LINGO2: variants seen among roughly 807,000 people sequenced by gnomAD.
LINGO2 encodes leucine rich repeat and Ig domain containing 2.
LINGO2 carries 14 observed loss-of-function variants against 30.6 expected under a neutral mutation model. The ratio of observed to expected loss-of-function variants is 0.46; its 90% CI spans 0.30 to 0.72. The LOEUF is 0.72. Among genes scored for constraint, LINGO2 ranks in the 30% least tolerant of loss-of-function variants. The pLI is 0.07. For missense variants in LINGO2, 729 were observed against 751.7 expected, an observed-to-expected ratio of 0.97 and a Z score of 0.35; for synonymous variants, 317 against 288.5, an observed-to-expected ratio of 1.10 and a Z score of -1.00.
chr9:28,595,870 A>C (rs1737214050), intron 1 of LINGO2, among the ~76,000 whole-genome samples: 1 of 152,198 alleles, frequency 6.6e-6, no homozygotes, highest in African/African-American at 2.4e-5. Context: ...GATGATGACA[A>C]ATAGATATTT....
At chr9:28,904,511 C>G in the LINGO2 span, among the ~76,000 whole-genome samples, 1 of 151,722 alleles carries the variant, frequency 6.6e-6, no homozygotes, top group Non-Finnish European at 1.5e-5. Flanking sequence ...CATAGGGTTG[C>G]AGAATACAAA....
chr9:29,139,250 C>T, the LINGO2 span, among the ~76,000 whole-genome samples: 1 of 152,126 alleles, frequency 6.6e-6, no homozygotes, highest in African/African-American at 2.4e-5. Flanking sequence ...GTCTGAAGCC[C>T]TAGCCTAATA....
At chr9:27,996,251 T>C (rs1260274867) in intron 5 of LINGO2, among the ~76,000 whole-genome samples, 3 of 152,124 alleles carry the variant, frequency 2.0e-5, no homozygotes, top group African/African-American at 4.8e-5. Context: ...AAAACTAAAA[T>C]ACAACTATCT....
At chr9:28,294,919 G>T (rs772460369) in intron 4 of LINGO2, among the ~76,000 whole-genome samples, 1 of 152,154 alleles carries the variant, frequency 6.6e-6, no homozygotes, top group Non-Finnish European at 1.5e-5. Context: ...TGCCATTAGA[G>T]TTCAGAATAG....
At chr9:28,366,447 T>A (rs1564153221) in intron 3 of LINGO2, among the ~76,000 whole-genome samples, 1 of 152,186 alleles carries the variant, frequency 6.6e-6, no homozygotes. Flanking sequence ...TCAGCTCATG[T>A]TTTTATCACT....
At chr9:28,680,596 G>A in the LINGO2 span, among the ~76,000 whole-genome samples, 1 of 151,932 alleles carries the variant, frequency 6.6e-6, no homozygotes, top group Non-Finnish European at 1.5e-5. Flanking sequence ...CAGGGATTAC[G>A]TTTCTCCACA....
At chr9:29,188,749 G>A in the LINGO2 span, among the ~76,000 whole-genome samples, 485 of 140,700 alleles carry the variant, frequency 3.4e-3, 7 homozygotes, top group Non-Finnish European at 6.3e-3. Flanking sequence ...GCCGGGCAGA[G>A]GGGCTCCTCA....
At chr9:29,004,911 T>C in the LINGO2 span, among the ~76,000 whole-genome samples, 2 of 152,150 alleles carry the variant, frequency 1.3e-5, no homozygotes, top group East Asian at 1.9e-4. Flanking sequence ...AATTTCTTTA[T>C]CTATAAAATG....
chr9:29,003,448 C>A, the LINGO2 span, among the ~76,000 whole-genome samples: 31,959 of 151,544 alleles, frequency 0.21, 3,470 homozygotes, highest in East Asian at 0.35. Context: ...AAGAAAGAGA[C>A]AAGGAAACAG....
At chr9:28,005,588 T>A (rs2119190034) in intron 5 of LINGO2, among the ~76,000 whole-genome samples, 2 of 152,282 alleles carry the variant, frequency 1.3e-5, no homozygotes, top group East Asian at 3.9e-4. Flanking sequence ...CTTTTCTTTT[T>A]AAGTTTAAAG....
At chr9:28,840,684 A>C in the LINGO2 span, among the ~76,000 whole-genome samples, 1 of 151,974 alleles carries the variant, frequency 6.6e-6, no homozygotes. Flanking sequence ...ATAAAAGTTA[A>C]TTAATGCTTA....
chr9:28,516,222 G>C (rs931412774), intron 1 of LINGO2, among the ~76,000 whole-genome samples: 1 of 152,126 alleles, frequency 6.6e-6, no homozygotes, highest in African/African-American at 2.4e-5. Flanking sequence ...CCAGAACTGA[G>C]CCTGTGCTAT....
chr9:28,250,269 A>C (rs1040126738), intron 4 of LINGO2, among the ~76,000 whole-genome samples: 6 of 152,202 alleles, frequency 3.9e-5, no homozygotes, highest in Admixed American at 3.9e-4. Flanking sequence ...AAGTGGATGT[A>C]GCTTTCCTTA....
intron 1 of LINGO2, among the ~76,000 whole-genome samples, chr9:28,609,457 AG>A (rs1353311249): frequency 6.6e-6 from 1 of 152,010 alleles, no homozygotes; most frequent in East Asian, 1.9e-4. Context: ...AAAAGTATAT[AG>A]GTAAGCAATT....
the LINGO2 span, among the ~76,000 whole-genome samples, chr9:29,144,110 C>G: frequency 1.3e-5 from 2 of 152,118 alleles, no homozygotes; most frequent in African/African-American, 2.4e-5. Flanking sequence ...GGCTCTTACT[C>G]TGTTCCATCG....
At chr9:28,506,495 C>G (rs374097605) in intron 1 of LINGO2, among the ~76,000 whole-genome samples, 2,137 of 80,312 alleles carry the variant, frequency 0.027, 186 homozygotes, top group East Asian at 0.066. Flanking sequence ...CATACACACA[C>G]ACACACAGAC....
intron 1 of LINGO2, among the ~76,000 whole-genome samples, chr9:28,625,635 C>A (rs914082506): frequency 6.6e-6 from 1 of 152,026 alleles, no homozygotes; most frequent in Non-Finnish European, 1.5e-5. Flanking sequence ...TTGTAAAGCA[C>A]AGTAAAATGA....
chr9:28,580,056 T>C (rs1191338886), intron 1 of LINGO2, among the ~76,000 whole-genome samples: 2 of 152,094 alleles, frequency 1.3e-5, no homozygotes, highest in Non-Finnish European at 2.9e-5. Flanking sequence ...ATGGCTTTAA[T>C]TGCTATAGCA....
intron 4 of LINGO2, among the ~76,000 whole-genome samples, chr9:28,071,290 G>T (rs898088756): frequency 2.0e-5 from 3 of 152,168 alleles, no homozygotes; most frequent in African/African-American, 7.2e-5. Context: ...CAAGTTTGCA[G>T]CCATAGTCAC....
Sources: gnomAD v4.1 joint callset for allele counts (sites outside exome capture counted in the v4.1 genomes callset) on GRCh38, gnomAD v4.1.1 for gene constraint, MANE v1.5 for transcripts, NCBI Gene and HGNC (gene_info 2026-07-23, HGNC 2026-07-21) for gene names.